Variants in PRDM6 observed in about 807,000 individuals in gnomAD.
The protein encoded by PRDM6 is putative histone-lysine N-methyltransferase PRDM6.
A neutral mutation model predicts 60.8 loss-of-function variants in PRDM6; 25 were observed. That is an observed-to-expected ratio of 0.41 (90% CI 0.30 to 0.57). The LOEUF (loss-of-function observed/expected upper bound fraction) is 0.57. Among genes scored for constraint, PRDM6 ranks in the 20% least tolerant of loss-of-function variants. The probability of loss-of-function intolerance (pLI) is 0.27; values close to 1 mark genes in which losing one functional copy is unlikely to be tolerated. For synonymous variants in PRDM6, 407 were observed against 357.4 expected, an observed-to-expected ratio of 1.14 and a Z score of -1.57; for missense variants, 839 against 821.3, an observed-to-expected ratio of 1.02 and a Z score of -0.26.
intron 7 of PRDM6, among the ~76,000 whole-genome samples, chr5:123,185,441 A>AC (rs1221650653): frequency 6.6e-6 from 1 of 152,158 alleles, no homozygotes; most frequent in Non-Finnish European, 1.5e-5. Flanking sequence ...TGTCATCAGC[A>AC]CTCCAGGAGC....
chr5:123,103,936 C>G (rs1764153713), intron 3 of PRDM6, among the ~76,000 whole-genome samples: 1 of 152,060 alleles, frequency 6.6e-6, no homozygotes, highest in Admixed American at 6.5e-5. Flanking sequence ...GTTAGTAATA[C>G]AGTTAAGATA....
In PRDM6 at chr5:123,125,153, C is replaced by A. The variant is rs1186968583; in HGVS notation, c.900+25192C>A. On this transcript the variant is annotated intron_variant, in intron 3 of 7. Coordinates refer to ENST00000407847, the MANE Select transcript of PRDM6 (RefSeq NM_001136239.4). ...GTATAATTACATACCGCACCCCCTC[C>A]CCCCCACCCGCCGGCCCCGCCACAC... Among the ~76,000 whole-genome samples, 13 of 137,144 alleles carry A rather than the reference C, an allele frequency of 9.5e-5. No individual in the cohort carries two copies. In the South Asian group the frequency reaches 1.3e-3, roughly 13 times the overall value. The allele number at this position is 137,144 out of a possible 152,430, so 90.0% of individuals were successfully genotyped here.
intron 7 of PRDM6, among the ~76,000 whole-genome samples, chr5:123,182,999 C>G (rs1162832384): frequency 6.6e-6 from 1 of 152,232 alleles, no homozygotes; most frequent in Non-Finnish European, 1.5e-5. Flanking sequence ...CCAACCATAG[C>G]TCATGGATAT....
At chr5:123,106,814 C>G (rs1284404539) in intron 3 of PRDM6, among the ~76,000 whole-genome samples, 1 of 152,190 alleles carries the variant, frequency 6.6e-6, no homozygotes, top group South Asian at 2.1e-4. Context: ...ATGCTGTATG[C>G]AAGGATTTAT....
intron 3 of PRDM6, among the ~76,000 whole-genome samples, chr5:123,106,499 G>A (rs1259063326): frequency 2.0e-5 from 3 of 152,178 alleles, no homozygotes; most frequent in Admixed American, 1.3e-4. Flanking sequence ...TGTCAGAACT[G>A]GGGGACACAT....
intron 6 of PRDM6, among the ~76,000 whole-genome samples, chr5:123,171,921 A>G (rs1412355154): frequency 6.6e-6 from 1 of 152,194 alleles, no homozygotes; most frequent in Non-Finnish European, 1.5e-5. Flanking sequence ...TTCAATAAGA[A>G]AGGATTGCTT....
At chr5:123,179,511 A>G (rs187085292) in intron 6 of PRDM6, among the ~76,000 whole-genome samples, 62 of 152,352 alleles carry the variant, frequency 4.1e-4, no homozygotes, top group Admixed American at 2.7e-3. Flanking sequence ...TGATTATGCT[A>G]TAAGTCCACC....
intron 3 of PRDM6, among the ~76,000 whole-genome samples, chr5:123,138,267 A>G (rs7705950): frequency 0.05 from 7,660 of 152,294 alleles, 642 homozygotes; most frequent in African/African-American, 0.17. Flanking sequence ...TCCTAAATGC[A>G]AAAGGAAGCA....
At chr5:123,140,646 C>T (rs1189334771) in intron 3 of PRDM6, among the ~76,000 whole-genome samples, 1 of 152,014 alleles carries the variant, frequency 6.6e-6, no homozygotes. Flanking sequence ...AAATTCTTAC[C>T]TAATAAAAAA....
intron 3 of PRDM6, among the ~76,000 whole-genome samples, chr5:123,146,006 T>C (rs774735615): frequency 6.6e-5 from 10 of 152,324 alleles, no homozygotes; most frequent in African/African-American, 1.2e-4. Context: ...GGGCATAGTG[T>C]GTGTCTGCGC....
intron 3 of PRDM6, among the ~76,000 whole-genome samples, chr5:123,123,973 G>A (rs1764639251): frequency 6.9e-6 from 1 of 145,782 alleles, no homozygotes; most frequent in Non-Finnish European, 1.5e-5. Context: ...ATGGTTTAGA[G>A]TAGGTGACAT....
intron 3 of PRDM6, among the ~76,000 whole-genome samples, chr5:123,152,178 G>A (rs1269742646): frequency 1.3e-5 from 2 of 152,148 alleles, no homozygotes; most frequent in South Asian, 4.1e-4. Flanking sequence ...AGCTGTAATG[G>A]ACTGATTTTC....
intron 3 of PRDM6, among the ~76,000 whole-genome samples, chr5:123,133,193 G>A (rs1764873669): frequency 6.6e-6 from 1 of 152,096 alleles, no homozygotes; most frequent in African/African-American, 2.4e-5. Context: ...AGTTATCTCT[G>A]TCATAATCTC....
rs183599869 is a variant in PRDM6, at chr5:123,148,899, A to C, written c.901-6985A>C. ...GCAATAACATGGTGGCCTATGATTCACATTTCCCAACCATATAACTGAGAG... is the reference window on the plus strand; with the variant it reads ...GCAATAACATGGTGGCCTATGATTCCCATTTCCCAACCATATAACTGAGAG... On this transcript the variant is annotated intron_variant, in intron 3 of 7. Transcript: ENST00000407847. Among the ~76,000 whole-genome samples the C allele has an allele frequency of 4.7e-3, 719 of 152,308 alleles. 2 individuals carry two copies. Among genetic ancestry groups the C allele is most frequent in the Middle Eastern group, 0.024 (7 of 294 alleles).
At chr5:123,108,716 G>A (rs1482740350) in intron 3 of PRDM6, among the ~76,000 whole-genome samples, 1 of 152,042 alleles carries the variant, frequency 6.6e-6, no homozygotes, top group Admixed American at 6.5e-5. Flanking sequence ...CAAATAATGT[G>A]CTCATTGGAA....
chr5:123,154,833 A>C (rs1447933540), intron 3 of PRDM6, among the ~76,000 whole-genome samples: 1 of 152,224 alleles, frequency 6.6e-6, no homozygotes, highest in East Asian at 1.9e-4. Context: ...GAAAAGGTGC[A>C]GTGTATGATG....
At chr5:123,123,055 T>G (rs1764613802) in intron 3 of PRDM6, among the ~76,000 whole-genome samples, 1 of 152,216 alleles carries the variant, frequency 6.6e-6, no homozygotes, top group Non-Finnish European at 1.5e-5. Flanking sequence ...TTTTTTATGT[T>G]TCTGGGTTAA....
intron 3 of PRDM6, among the ~76,000 whole-genome samples, chr5:123,134,379 C>T (rs1364731777): frequency 1.3e-5 from 2 of 151,852 alleles, no homozygotes; most frequent in Admixed American, 6.6e-5. Context: ...TTCAAACTAG[C>T]ATCTAGAAAA....
chr5:123,125,155 CCCCA>C (rs61137016), intron 3 of PRDM6, among the ~76,000 whole-genome samples: 103,922 of 136,736 alleles, frequency 0.76, 38,151 homozygotes, highest in Middle Eastern at 0.82. Context: ...ACCCCCTCCC[CCCCA>C]CCCGCCGGCC....
Sources: allele counts gnomAD v4.1 joint callset (sites outside exome capture counted in the v4.1 genomes callset), GRCh38; gene constraint gnomAD v4.1.1; transcripts MANE v1.5; gene names NCBI Gene and HGNC (gene_info 2026-07-23, HGNC 2026-07-21).